The following ATP10A variants were observed in gnomAD, a reference collection of about 807,000 sequenced individuals.
The protein encoded by ATP10A is phospholipid-transporting ATPase VA.
Under a neutral mutation model 147.8 loss-of-function variants are expected in ATP10A, and 111 were observed. The ratio of observed to expected loss-of-function variants is 0.75; its 90% CI spans 0.64 to 0.88. ATP10A has a LOEUF of 0.88. ATP10A is among the 40% of genes least tolerant of loss of function. ATP10A has a pLI of 0.00. For synonymous variants in ATP10A, 875 were observed against 841.6 expected, an observed-to-expected ratio of 1.04 and a Z score of -0.69; for missense variants, 1,927 against 1,959.0, an observed-to-expected ratio of 0.98 and a Z score of 0.31.
intron 10 of ATP10A, among the ~76,000 whole-genome samples, chr15:25,711,421 C>T (rs375148684): frequency 4.4e-4 from 67 of 152,184 alleles, no homozygotes; most frequent in African/African-American, 1.4e-3. Context: ...AAGTAAAAGG[C>T]GAATGATCTG....
At chr15:25,830,833 T>C (rs1892323540) in intron 1 of ATP10A, among the ~76,000 whole-genome samples, 2 of 152,200 alleles carry the variant, frequency 1.3e-5, no homozygotes, top group African/African-American at 4.8e-5. Flanking sequence ...AGCACTTACC[T>C]GCTCCTGGGA....
chr15:25,729,268 C>G (rs771770835), intron 3 of ATP10A, among the ~76,000 whole-genome samples: 5 of 152,306 alleles, frequency 3.3e-5, no homozygotes, highest in Middle Eastern at 3.4e-3. Flanking sequence ...AGGCGGATCA[C>G]TTGAGGTCAG....
intron 2 of ATP10A, among the ~76,000 whole-genome samples, chr15:25,747,970 T>C (rs1179904562): frequency 1.3e-5 from 2 of 152,192 alleles, no homozygotes; most frequent in East Asian, 1.9e-4. Context: ...ATTCTTTTTT[T>C]TTTTTCTTTT....
intron 7 of ATP10A, among the ~76,000 whole-genome samples, chr15:25,720,461 C>G (rs568892716): frequency 8.9e-4 from 136 of 152,236 alleles, no homozygotes; most frequent in African/African-American, 3.0e-3. Flanking sequence ...TGCTGTAGAA[C>G]CGACTGCCCG....
chr15:25,748,536 C>T (rs11161213), intron 2 of ATP10A, among the ~76,000 whole-genome samples: 120,026 of 152,028 alleles, frequency 0.79, 48,146 homozygotes, highest in Admixed American at 0.86. Context: ...TAAAATATCA[C>T]ATATAATGGT....
intron 2 of ATP10A, among the ~76,000 whole-genome samples, chr15:25,743,870 G>A (rs1489417113): frequency 1.3e-5 from 2 of 152,118 alleles, no homozygotes; most frequent in African/African-American, 2.4e-5. Flanking sequence ...TGCGGGGATT[G>A]AGTCTGTCTC....
intron 2 of ATP10A, among the ~76,000 whole-genome samples, chr15:25,764,686 C>A (rs1176405188): frequency 6.6e-6 from 1 of 152,224 alleles, no homozygotes; most frequent in Admixed American, 6.5e-5. Flanking sequence ...AGTCTGTGGT[C>A]ATTTCATTAC....
chr15:25,730,713 G>A (rs1046479750), intron 3 of ATP10A, among the ~76,000 whole-genome samples: 1 of 152,072 alleles, frequency 6.6e-6, no homozygotes, highest in African/African-American at 2.4e-5. Flanking sequence ...CCTTCCATTG[G>A]CAAATCCTGG....
intron 2 of ATP10A, among the ~76,000 whole-genome samples, chr15:25,739,894 C>A (rs1366479744): frequency 6.6e-6 from 1 of 152,142 alleles, no homozygotes; most frequent in East Asian, 1.9e-4. Context: ...CCAGCCCTGC[C>A]CCTGAACTTG....
In ATP10A at chr15:25,728,439, G is replaced by A. The variant is rs192921731; in HGVS notation, c.741-1173C>T. 4.5e-4 allele frequency among the ~76,000 whole-genome samples: 69 copies of A among 152,330 alleles called. No individual in the cohort carries two copies. The East Asian group carries it at 8.1e-3, about 18-fold the overall frequency. On this transcript the variant is annotated intron_variant, in intron 3 of 20. Transcript: ENST00000555815. ...ACTGCTCCCTTGGCAATGCCAAGAC[G>A]GAGTAAGGTTTTCCTTTAAAGAGAG...
chr15:25,855,854 G>A (rs1238274839), intron 1 of ATP10A, among the ~76,000 whole-genome samples: 1 of 152,112 alleles, frequency 6.6e-6, no homozygotes. Flanking sequence ...CAGGTGGCAG[G>A]ACACAAGATC....
chr15:25,673,740 AT>A (rs11361951), downstream of ATP10A, among the ~76,000 whole-genome samples: 93,545 of 151,720 alleles, frequency 0.62, 29,826 homozygotes, highest in African/African-American at 0.77. Flanking sequence ...ACAACAAACT[AT>A]TTTTTTTTCT....
intron 1 of ATP10A, among the ~76,000 whole-genome samples, chr15:25,859,239 C>A (rs2140924627): frequency 6.6e-6 from 1 of 152,312 alleles, no homozygotes; most frequent in African/African-American, 2.4e-5. Context: ...GCCCCCTCAG[C>A]TCTCGGCCCC....
chr15:25,852,512 C>T (rs1477437752), intron 1 of ATP10A, among the ~76,000 whole-genome samples: 1 of 152,100 alleles, frequency 6.6e-6, no homozygotes. Context: ...CGCCCCCCAA[C>T]CTCACCTCTC....
At position 25,679,642 on chromosome 15, in the gene ATP10A, T is replaced by TC; in HGVS notation, c.4198dup (p.Glu1400GlyfsTer12). ...CCCTCCTGGACTCCTCAGGACAGCC[T>TC]CCCCTGGCGCAGAGGACATGGGGGC... On this transcript the variant is annotated frameshift_variant, in exon 21 of 21. Transcript: ENST00000555815. LOFTEE classifies it high-confidence loss of function. 5 of 1,613,304 alleles carry TC rather than the reference T, an allele frequency of 3.1e-6. No homozygotes were observed. The highest frequency in any genetic ancestry group is 4.2e-6 in the Non-Finnish European group (5 of 1,179,952).
chr15:25,726,081 T>C lies in ATP10A; in HGVS notation c.849A>G (p.Gly283=). The change falls in exon 5 of 21, where the codon GGA becomes GGG. Residue 283 remains glycine, a splice_region_variant and synonymous_variant. Transcript: ENST00000555815. The part of the protein sequence containing the change: ...DAVVGIVIYA[G]HETKALLNNS... ...TGTTCAGCAGAGCCTTGGTTTCATG[T>C]CCTGTCGGGGAGGACAAAGAGACAT... 6.2e-7 allele frequency: 1 copy of C among 1,613,650 alleles called. No homozygotes were observed. Among genetic ancestry groups the C allele is most frequent in the Non-Finnish European group, 8.5e-7 (1 of 1,179,732 alleles).
Position 25,854,260 on chromosome 15 carries a change from C to T in ATP10A, c.449+8388G>A, listed in dbSNP as rs537135315. ...AGCTTGAAAGAGCTCCCAAAAGCCACAGCCTGGAACAGTGTGAGCAAAAGG... is the reference window on the plus strand; with the variant it reads ...AGCTTGAAAGAGCTCCCAAAAGCCATAGCCTGGAACAGTGTGAGCAAAAGG... On this transcript the variant is annotated intron_variant, in intron 1 of 20. Transcript: ENST00000555815. Among the ~76,000 whole-genome samples the T allele has an allele frequency of 1.4e-4, 21 of 152,224 alleles. No homozygotes were observed. The South Asian group carries it at 4.2e-3, about 30-fold the overall frequency.
chr15:25,727,122 C>A, intron 4 of ATP10A, 38 bp downstream of exon 4: 1 of 1,451,988 alleles, frequency 6.9e-7, no homozygotes, highest in Admixed American at 1.7e-5. Context: ...GAACACAGCG[C>A]TGTCTGGCGG....
intron 1 of ATP10A, among the ~76,000 whole-genome samples, chr15:25,854,211 G>A (rs568507072): frequency 3.3e-5 from 5 of 152,262 alleles, no homozygotes; most frequent in African/African-American, 1.2e-4. Context: ...AGAAAGCCTG[G>A]GGCCTGTGAA....
Sources: allele counts gnomAD v4.1 joint callset (sites outside exome capture counted in the v4.1 genomes callset), GRCh38; gene constraint gnomAD v4.1.1; transcripts MANE v1.5; gene names NCBI Gene and HGNC (gene_info 2026-07-23, HGNC 2026-07-21).